CNOT2: variants seen among roughly 807,000 people sequenced by gnomAD.
CNOT2 encodes CCR4-NOT transcription complex subunit 2.
CNOT2 carries 7 observed loss-of-function variants against 72.1 expected under a neutral mutation model. That is an observed-to-expected ratio of 0.10 (90% CI 0.06 to 0.18). The LOEUF is 0.18. Ranked by LOEUF, CNOT2 falls within the 10% of genes least tolerant of loss-of-function variation. The pLI, the probability that CNOT2 is intolerant of heterozygous loss-of-function variation, is 1.00. For synonymous variants in CNOT2, 196 were observed against 225.6 expected, an observed-to-expected ratio of 0.87 and a Z score of 1.17; for missense variants, 345 against 660.3, an observed-to-expected ratio of 0.52 and a Z score of 5.23.
At chr12:70,346,042 T>A (rs971132947) in intron 14 of CNOT2, 138 bp from the exon 15 acceptor site, 5 of 581,494 alleles carry the variant, frequency 8.6e-6, no homozygotes, top group Non-Finnish European at 1.5e-5. Context: ...TAACTTATAA[T>A]AAATGAGTAG....
chr12:70,335,421 C>T lies in CNOT2; in HGVS notation c.650-17C>T, dbSNP rs900041337. 2 of 1,563,950 alleles carry T rather than the reference C, an allele frequency of 1.3e-6. No homozygotes were observed. Among genetic ancestry groups the T allele is most frequent in the African/African-American group, 2.7e-5 (2 of 73,662 alleles). Reference sequence around the variant, plus strand: ...TATTTGTAGAATCAATAACCAGTGTCCTTTCTTATTATTTAGACGGAAGTG... The same window carrying T: ...TATTTGTAGAATCAATAACCAGTGTTCTTTCTTATTATTTAGACGGAAGTG... On this transcript the variant is annotated splice_polypyrimidine_tract_variant and intron_variant, in intron 7 of 15. Transcript: ENST00000229195.
chr12:70,253,829 G>A (rs1455979755), intron 1 of CNOT2, among the ~76,000 whole-genome samples: 1 of 152,144 alleles, frequency 6.6e-6, no homozygotes, highest in African/African-American at 2.4e-5. Context: ...CCCAGTGGAT[G>A]CCTGAAACTA....
intron 13 of CNOT2, among the ~76,000 whole-genome samples, chr12:70,343,649 C>T (rs1361371436): frequency 6.6e-6 from 1 of 152,160 alleles, no homozygotes; most frequent in Admixed American, 6.6e-5. Context: ...TTTCATATAC[C>T]TTCACTCATT....
Position 70,354,123 on chromosome 12 carries a change from T to C in CNOT2, c.*208T>C. On this transcript the variant is annotated 3_prime_UTR_variant, in exon 16 of 16. Coordinates refer to ENST00000229195, the MANE Select transcript of CNOT2 (RefSeq NM_014515.7). ...GCCCAACAACTAAATTTGTAATTTGTTTTTCTCTAGTTTGAGCAGGGTCTG... is the reference window on the plus strand; with the variant it reads ...GCCCAACAACTAAATTTGTAATTTGCTTTTCTCTAGTTTGAGCAGGGTCTG... The C allele has an allele frequency of 2.0e-6, 2 of 984,858 alleles. No individual in the cohort carries two copies. The highest frequency in any genetic ancestry group is 1.4e-6 in the Non-Finnish European group (1 of 737,888). The allele number at this position is 984,858 out of a possible 1,614,324, so 61.0% of individuals were successfully genotyped here.
intron 2 of CNOT2, among the ~76,000 whole-genome samples, chr12:70,299,014 C>T (rs942230060): frequency 2.6e-5 from 4 of 152,002 alleles, no homozygotes; most frequent in African/African-American, 9.7e-5. Context: ...ATTATTAGTC[C>T]GTTCTCATGC....
At chr12:70,245,840 T>G (rs1349156696) in intron 1 of CNOT2, among the ~76,000 whole-genome samples, 1 of 152,192 alleles carries the variant, frequency 6.6e-6, no homozygotes, top group Non-Finnish European at 1.5e-5. Context: ...ACTTTTTGAT[T>G]TTTCAGAGAT....
At chr12:70,264,354 T>C (rs780077572) in intron 1 of CNOT2, among the ~76,000 whole-genome samples, 2 of 152,148 alleles carry the variant, frequency 1.3e-5, no homozygotes, top group Non-Finnish European at 2.9e-5. Flanking sequence ...AGGCTTGAAC[T>C]TCTCTACACT....
intron 2 of CNOT2, among the ~76,000 whole-genome samples, chr12:70,289,918 T>C (rs11837350): frequency 3.9e-5 from 6 of 152,300 alleles, no homozygotes; most frequent in East Asian, 1.9e-4. Flanking sequence ...TTGGAAACTT[T>C]ATCTTGTTGA....
At chr12:70,285,222 T>G (rs11178170) in intron 2 of CNOT2, among the ~76,000 whole-genome samples, 11,376 of 150,566 alleles carry the variant, frequency 0.076, 548 homozygotes, top group Middle Eastern at 0.14. Flanking sequence ...TTTTGTTTTT[T>G]TTTTTTAGAC....
At chr12:70,336,165 T>C (rs964643636) in intron 8 of CNOT2, 1 of 152,180 alleles carries the variant, frequency 6.6e-6, no homozygotes, top group Non-Finnish European at 1.5e-5. Flanking sequence ...TTTTCAGACA[T>C]TGGCAGATGT....
intron 2 of CNOT2, among the ~76,000 whole-genome samples, chr12:70,295,139 A>G (rs1233791309): frequency 1.3e-5 from 2 of 152,168 alleles, no homozygotes; most frequent in Admixed American, 6.5e-5. Context: ...TCCTACATCT[A>G]TCCCATATAA....
chr12:70,321,791 A>T (rs1308449232), intron 4 of CNOT2: 1 of 151,748 alleles, frequency 6.6e-6, no homozygotes, highest in African/African-American at 2.4e-5. Context: ...CTGAGATTAA[A>T]CAAGAAAGGG....
intron 4 of CNOT2, among the ~76,000 whole-genome samples, chr12:70,327,197 G>C (rs1356135562): frequency 6.6e-6 from 1 of 151,196 alleles, no homozygotes; most frequent in African/African-American, 2.4e-5. Context: ...GGTGGTGAAT[G>C]TGTAGAGAGG....
At chr12:70,335,781 A>G in intron 8 of CNOT2, 1 of 359,958 alleles carries the variant, frequency 2.8e-6, no homozygotes, top group Non-Finnish European at 5.1e-6. Context: ...ACTTTGTACA[A>G]AAACCCAAGA....
rs1258649731 is a variant in CNOT2, at chr12:70,330,346, T to C, written c.446T>C (p.Ile149Thr). Reference sequence around the variant, plus strand: ...AACCACTCCCAGGTTGGTCAGGGCATTGGAATTCCTAGCAGGACAAATAGC... The same window carrying C: ...AACCACTCCCAGGTTGGTCAGGGCACTGGAATTCCTAGCAGGACAAATAGC... ...MMNHSQVGQGIGIPSRTNSMS... is the reference protein window; with the variant it reads ...MMNHSQVGQGTGIPSRTNSMS... The change falls in exon 6 of 16, where the codon ATT becomes ACT. Residue 149 changes from isoleucine (I) to threonine (T), a missense_variant. Physicochemically the swap from Ile to Thr is moderately conservative, Grantham distance 89 (BLOSUM62 -1). Around this residue, in one of 4 missense-constraint regions of CNOT2, gnomAD observed 157 missense variants for 235.3 expected, o/e 0.67. Transcript: ENST00000229195. 4 of 1,610,946 alleles carry C rather than the reference T, an allele frequency of 2.5e-6. No homozygotes were observed. The highest frequency in any genetic ancestry group is 1.1e-5 in the South Asian group (1 of 90,986).
intron 4 of CNOT2, among the ~76,000 whole-genome samples, chr12:70,328,040 G>A (rs1879358942): frequency 6.6e-6 from 1 of 151,860 alleles, no homozygotes; most frequent in Non-Finnish European, 1.5e-5. Flanking sequence ...ATACATAAAA[G>A]TGTACATGTA....
At chr12:70,330,619 A>T (rs1879784115) in intron 6 of CNOT2, 150 bp downstream of exon 6, 2 of 463,796 alleles carry the variant, frequency 4.3e-6, no homozygotes, top group African/African-American at 2.0e-5. Flanking sequence ...GTTACCCATC[A>T]CAAAACGATA....
At chr12:70,342,923 T>C (rs1881695560) in intron 13 of CNOT2, among the ~76,000 whole-genome samples, 1 of 152,178 alleles carries the variant, frequency 6.6e-6, no homozygotes, top group Admixed American at 6.5e-5. Context: ...TGTTATATAT[T>C]TGTGTATAAA....
chr12:70,335,279 T>C, intron 7 of CNOT2, 159 bp from the exon 8 acceptor site: 1 of 497,036 alleles, frequency 2.0e-6, no homozygotes, highest in South Asian at 3.2e-5. Flanking sequence ...ATGAAATCAA[T>C]CTGCAAGTAT....
Sources: allele counts gnomAD v4.1 joint callset (sites outside exome capture counted in the v4.1 genomes callset), GRCh38; gene constraint gnomAD v4.1.1; regional missense constraint gnomAD v4.1.1; transcripts MANE v1.5; gene names NCBI Gene and HGNC (gene_info 2026-07-23, HGNC 2026-07-21).